Variants in ACTR3B observed in about 807,000 individuals in gnomAD.
The protein encoded by ACTR3B is actin related protein 3B.
In ACTR3B, 8 loss-of-function variants were observed where a neutral mutation model predicts 59.0. The observed-to-expected ratio is 0.14, with a 90% confidence interval of 0.08 to 0.24. The LOEUF (loss-of-function observed/expected upper bound fraction) is 0.24. ACTR3B is among the 10% of genes least tolerant of loss of function. The pLI, the probability that ACTR3B is intolerant of heterozygous loss-of-function variation, is 1.00. For missense variants in ACTR3B, 245 were observed against 552.3 expected (o/e 0.44, Z 5.58); for synonymous variants, 148 against 197.9 (o/e 0.75, Z 2.12).
chr7:152,784,762 G>GT (rs1264198198), intron 2 of ACTR3B, among the ~76,000 whole-genome samples: 2 of 152,074 alleles, frequency 1.3e-5, no homozygotes, highest in Admixed American at 6.5e-5. Context: ...TCTCATCTCT[G>GT]TGTCAGTGTG....
rs1479859361 is a variant in ACTR3B at position 152,759,789 on chromosome 7, G to T, written c.-94G>T. 3 of 1,017,642 alleles carry T rather than the reference G, an allele frequency of 2.9e-6. No homozygotes were observed. Among genetic ancestry groups the T allele is most frequent in the Non-Finnish European group, 3.6e-6 (3 of 825,740 alleles). 63.0% of individuals were successfully genotyped at this position (1,017,642 alleles called of 1,614,324 possible). A position where few individuals can be genotyped will look rare whatever the true frequency, so the allele number is the denominator to read the frequency against. ...GGCAGCGGCGCTGCGGCGGCTCGCGGGAGACGCTGCGCGCGGGGCTAGCGG... is the reference window on the plus strand; with the variant it reads ...GGCAGCGGCGCTGCGGCGGCTCGCGTGAGACGCTGCGCGCGGGGCTAGCGG... On this transcript the variant is annotated 5_prime_UTR_variant, in exon 1 of 12. Coordinates refer to ENST00000256001, the MANE Select transcript of ACTR3B (RefSeq NM_020445.6).
rs1796438886 is a variant in ACTR3B, at chr7:152,824,729, C to T, written c.859-301C>T. The stretch of plus-strand genomic sequence containing the variant: ...GTCACATAGATCGTGCACATACTCT[C>T]CACTGCTCTTAGTAGACTGAATCAC... On this transcript the variant is annotated intron_variant, in intron 8 of 11. Coordinates refer to ENST00000256001, the MANE Select transcript of ACTR3B (RefSeq NM_020445.6). The surrounding 1 kb of genome is among the most constrained non-coding windows in gnomAD (Gnocchi z 4.2). Among the ~76,000 whole-genome samples the T allele has an allele frequency of 6.6e-6, 1 of 152,074 alleles. No individual in the cohort carries two copies. The highest frequency in any genetic ancestry group is 2.4e-5 in the African/African-American group (1 of 41,312).
chr7:152,852,933 A>G (rs1798938250), intron 10 of ACTR3B, among the ~76,000 whole-genome samples: 1 of 152,020 alleles, frequency 6.6e-6, no homozygotes, highest in African/African-American at 2.4e-5. Flanking sequence ...CTGGGACTAC[A>G]GGTGCCCGCC....
At chr7:152,796,047 G>A (rs1432565025) in intron 2 of ACTR3B, among the ~76,000 whole-genome samples, 1 of 152,112 alleles carries the variant, frequency 6.6e-6, no homozygotes, top group East Asian at 1.9e-4. Context: ...GTTTCACCAT[G>A]TTGGTCAGGC....
chr7:152,829,860 A>G (rs1267625164), intron 9 of ACTR3B, among the ~76,000 whole-genome samples: 1 of 152,144 alleles, frequency 6.6e-6, no homozygotes, highest in Non-Finnish European at 1.5e-5. Flanking sequence ...TTTGTAATGT[A>G]ATGGATGTCT....
At chr7:152,819,659 T>C (rs1395166892) in intron 6 of ACTR3B, among the ~76,000 whole-genome samples, 1 of 150,762 alleles carries the variant, frequency 6.6e-6, no homozygotes, top group East Asian at 2.0e-4. Context: ...CTTCACTGGC[T>C]TAGGGAGGCA....
chr7:152,804,427 G>A (rs1055241137), intron 4 of ACTR3B, among the ~76,000 whole-genome samples: 1 of 152,166 alleles, frequency 6.6e-6, no homozygotes, highest in Non-Finnish European at 1.5e-5. Flanking sequence ...TGTGGAGAGA[G>A]GAGGTCAGGC....
At chr7:152,792,525 G>A (rs1044733246) in intron 2 of ACTR3B, among the ~76,000 whole-genome samples, 4 of 151,810 alleles carry the variant, frequency 2.6e-5, no homozygotes, top group African/African-American at 7.3e-5. Context: ...AGAGGCAGGC[G>A]GGTCATGAGG....
At chr7:152,781,826 A>C (rs964484389) in intron 1 of ACTR3B, among the ~76,000 whole-genome samples, 1 of 151,910 alleles carries the variant, frequency 6.6e-6, no homozygotes, top group Non-Finnish European at 1.5e-5. Context: ...CCCGGAGTGG[A>C]GTTGTGGTAG....
chr7:152,811,389 A>T (rs1262140513), intron 4 of ACTR3B: 1 of 151,042 alleles, frequency 6.6e-6, no homozygotes, highest in Non-Finnish European at 1.5e-5. Flanking sequence ...GGAGAGAGGA[A>T]ATAGCTTACC....
Position 152,771,349 on chromosome 7 carries a change from A to G in ACTR3B, c.44+11423A>G, listed in dbSNP as rs140298266. On this transcript the variant is annotated intron_variant, in intron 1 of 11. Coordinates refer to ENST00000256001, the MANE Select transcript of ACTR3B (RefSeq NM_020445.6). The stretch of plus-strand genomic sequence containing the variant: ...ACAAAGAAGTAATTTTAAAAGATTA[A>G]AGAAAGCTAAAAGGAGGACATGGAG... 2.6e-3 allele frequency among the ~76,000 whole-genome samples: 389 copies of G among 152,374 alleles called. 3 individuals carry two copies. The highest frequency in any genetic ancestry group is 9.1e-3 in the African/African-American group (378 of 41,590).
chr7:152,773,635 TA>T (rs2098129509), intron 1 of ACTR3B, among the ~76,000 whole-genome samples: 1 of 151,954 alleles, frequency 6.6e-6, no homozygotes, highest in African/African-American at 2.4e-5. Flanking sequence ...AAATGCACAG[TA>T]AAAGAAAGCG....
chr7:152,831,027 G>T (rs1421466233), intron 9 of ACTR3B, among the ~76,000 whole-genome samples: 2 of 152,206 alleles, frequency 1.3e-5, no homozygotes, highest in African/African-American at 4.8e-5. Flanking sequence ...CTCTGGTTTG[G>T]TCAGGCTAGT....
chr7:152,850,022 G>T (rs1307436979), intron 9 of ACTR3B, among the ~76,000 whole-genome samples: 1 of 152,166 alleles, frequency 6.6e-6, no homozygotes, highest in East Asian at 1.9e-4. Context: ...CCAGATCACT[G>T]GTCGCTTCTC....
At chr7:152,852,274 C>T in intron 10 of ACTR3B, 23 bp downstream of exon 10, 1 of 1,600,324 alleles carries the variant, frequency 6.2e-7, no homozygotes, top group Non-Finnish European at 8.5e-7. Context: ...GGCCTCCACG[C>T]AGTGCCTGGG....
Position 152,825,850 on chromosome 7 carries a change from G to A in ACTR3B, c.951+728G>A, listed in dbSNP as rs561289933. On this transcript the variant is annotated intron_variant, in intron 9 of 11. Coordinates refer to ENST00000256001, the MANE Select transcript of ACTR3B (RefSeq NM_020445.6). ...GGACAGTCAGATAGAATATGCTCAT[G>A]TATTATTATGATTTTTTTCAAAATT... is the stretch of plus-strand genomic sequence containing the variant. Among the ~76,000 whole-genome samples, 13 of 152,218 alleles carry A rather than the reference G, an allele frequency of 8.5e-5. No homozygotes were observed. In the South Asian group the frequency reaches 2.7e-3, roughly 32 times the overall value.
At chr7:152,804,685 A>C (rs2098247042) in intron 4 of ACTR3B, among the ~76,000 whole-genome samples, 1 of 152,208 alleles carries the variant, frequency 6.6e-6, no homozygotes, top group Non-Finnish European at 1.5e-5. Context: ...ATCCTTCAGG[A>C]AGGGCCAGTT....
chr7:152,784,800 C>T (rs886784687), intron 2 of ACTR3B, among the ~76,000 whole-genome samples: 6 of 151,968 alleles, frequency 3.9e-5, no homozygotes, highest in African/African-American at 1.5e-4. Flanking sequence ...TCGCTGGTGT[C>T]TCTTTCTCTG....
chr7:152,811,626 G>C (rs963949719), intron 4 of ACTR3B: 1 of 152,098 alleles, frequency 6.6e-6, no homozygotes, highest in Admixed American at 6.6e-5. Context: ...GTGTGTTCTT[G>C]GTAATAATTA....
Sources: allele counts gnomAD v4.1 joint callset (sites outside exome capture counted in the v4.1 genomes callset), GRCh38; gene constraint gnomAD v4.1.1; non-coding constraint Gnocchi (gnomAD v3.1); transcripts MANE v1.5; gene names NCBI Gene and HGNC (gene_info 2026-07-23, HGNC 2026-07-21).